The following VSIG10 variants were observed in gnomAD, a reference collection of about 807,000 sequenced individuals.
The protein encoded by VSIG10 is V-set and immunoglobulin domain containing 10, also known as V-set and immunoglobulin domain-containing protein 10.
A neutral mutation model predicts 58.7 loss-of-function variants in VSIG10; 48 were observed. The observed-to-expected ratio is 0.82, with a 90% confidence interval of 0.65 to 1.04. The LOEUF (loss-of-function observed/expected upper bound fraction) is 1.04. Ranked by LOEUF, VSIG10 falls within the 50% of genes least tolerant of loss-of-function variation. The probability of loss-of-function intolerance (pLI) is 0.00; values close to 1 mark genes in which losing one functional copy is unlikely to be tolerated. For missense variants in VSIG10, 628 were observed against 670.0 expected (o/e 0.94, Z 0.69); for synonymous variants, 260 against 267.1 (o/e 0.97, Z 0.26).
Position 118,103,807 on chromosome 12 carries a change from C to T in VSIG10, c.-136G>A. On this transcript the variant is annotated 5_prime_UTR_variant, in exon 1 of 9. Coordinates refer to ENST00000359236, the MANE Select transcript of VSIG10 (RefSeq NM_019086.6). ...GCAGAGTGGCCCCACTTCCTCGGCC[C>T]CCAGGAAGGATGCTTGGCTGAGCCG... The T allele has an allele frequency of 1.2e-6, 1 of 830,414 alleles. No homozygotes were observed. Among genetic ancestry groups the T allele is most frequent in the Non-Finnish European group, 1.7e-6 (1 of 584,882 alleles). The allele number at this position is 830,414 out of a possible 1,614,324, so 51.4% of individuals were successfully genotyped here.
intron 2 of VSIG10, among the ~76,000 whole-genome samples, chr12:118,091,493 A>G (rs1877916262): frequency 6.8e-6 from 1 of 146,450 alleles, no homozygotes; most frequent in Admixed American, 6.8e-5. Flanking sequence ...CTCTGTCTCA[A>G]AAAAAAAAAA....
chr12:118,087,949 G>A (rs577018120), intron 2 of VSIG10, among the ~76,000 whole-genome samples: 10 of 151,438 alleles, frequency 6.6e-5, no homozygotes, highest in South Asian at 2.1e-4. Context: ...AGACCTGTTC[G>A]AAAGACCCAG....
At chr12:118,095,510 C>T (rs187857936) in intron 2 of VSIG10, 23 bp downstream of exon 2, 109 of 1,612,864 alleles carry the variant, frequency 6.8e-5, no homozygotes, top group African/African-American at 5.2e-4. Context: ...TCTCCAGCCC[C>T]GGTCCCTGCC....
In VSIG10 at chr12:118,065,186, G is replaced by A. The variant is rs553663462; in HGVS notation, c.*1453C>T. ...TCCTTAAGAAGCAGGAAGGAAACAA[G>A]TTTTCCTCTTCCCACTTCCAAGACT... On this transcript the variant is annotated 3_prime_UTR_variant, in exon 9 of 9. Coordinates refer to ENST00000359236, the MANE Select transcript of VSIG10 (RefSeq NM_019086.6). 1.3e-5 allele frequency: 2 copies of A among 152,354 alleles called. No individual in the cohort carries two copies. Among genetic ancestry groups the A allele is most frequent in the East Asian group, 3.9e-4 (2 of 5,190 alleles). The allele number at this position is 152,354 out of a possible 1,614,324, so 9.4% of individuals were successfully genotyped here. A position where few individuals can be genotyped will look rare whatever the true frequency, so the allele number is the denominator to read the frequency against.
intron 2 of VSIG10, among the ~76,000 whole-genome samples, chr12:118,091,379 C>T (rs1044769485): frequency 6.6e-6 from 1 of 151,870 alleles, no homozygotes; most frequent in Non-Finnish European, 1.5e-5. Flanking sequence ...GTAGTCCCAG[C>T]TACTCGGGAG....
intron 7 of VSIG10, among the ~76,000 whole-genome samples, chr12:118,070,578 G>GA (rs555859282): frequency 1.4e-4 from 21 of 147,218 alleles, no homozygotes; most frequent in African/African-American, 2.0e-4. Context: ...AAAAGAAAAA[G>GA]AAAAAAAAAC....
intron 3 of VSIG10, among the ~76,000 whole-genome samples, chr12:118,081,413 C>A (rs759912631): frequency 6.6e-6 from 1 of 151,934 alleles, no homozygotes; most frequent in Non-Finnish European, 1.5e-5. Context: ...GCAACCTCTG[C>A]GTCCCAAGTT....
At chr12:118,074,893 T>C (rs2032649202) in intron 4 of VSIG10, among the ~76,000 whole-genome samples, 1 of 152,200 alleles carries the variant, frequency 6.6e-6, no homozygotes, top group South Asian at 2.1e-4. Context: ...TCACACCATC[T>C]GCATGAGCCT....
chr12:118,068,496 C>G lies in VSIG10; in HGVS notation c.1448G>C (p.Gly483Ala), dbSNP rs760242805. 2.5e-6 allele frequency: 4 copies of G among 1,612,888 alleles called. No individual in the cohort carries two copies. In the East Asian group the frequency reaches 6.7e-5, roughly 27 times the overall value. ...EEDAAVGEQE[G>A]AREREELPKE... ...TGGCAACTCCTCTCTCTCACGTGCTCCCTCCTGTTCCCCTACTGCAGCATC... is the reference window on the plus strand; with the variant it reads ...TGGCAACTCCTCTCTCTCACGTGCTGCCTCCTGTTCCCCTACTGCAGCATC... The change falls in exon 8 of 9, where the codon GGA (glycine) becomes GCA (alanine). Residue 483 changes from glycine (G) to alanine (A), a missense_variant. Coordinates refer to ENST00000359236, the MANE Select transcript of VSIG10 (RefSeq NM_019086.6).
intron 6 of VSIG10, 53 bp downstream of exon 6, chr12:118,071,306 C>T (rs1284357485): frequency 3.9e-6 from 6 of 1,547,044 alleles, no homozygotes; most frequent in Admixed American, 1.7e-5. Context: ...TTCCCCATCC[C>T]GCACCTTTTC....
chr12:118,091,104 C>CGACAAGG (rs750173177), intron 2 of VSIG10, among the ~76,000 whole-genome samples: 183 of 152,214 alleles, frequency 1.2e-3, no homozygotes, highest in Non-Finnish European at 2.4e-3. Context: ...CACTGTATTC[C>CGACAAGG]AGCCTGGACG....
At position 118,079,543 on chromosome 12, in the gene VSIG10, A is replaced by G; in HGVS notation, c.728T>C (p.Leu243Pro). The G allele has an allele frequency of 6.2e-7, 1 of 1,614,006 alleles. No homozygotes were observed. Among genetic ancestry groups the G allele is most frequent in the African/African-American group, 1.3e-5 (1 of 75,052 alleles). The change falls in exon 4 of 9, where the codon CTT becomes CCT. Residue 243 changes from leucine to proline, a missense_variant. Coordinates refer to ENST00000359236, the MANE Select transcript of VSIG10 (RefSeq NM_019086.6). ...QMASGSFMLQ[L>P]TCRWDGGYPD... is the part of the protein sequence containing the mutation. ...GTATCCCCCATCCCAGCGACAGGTA[A>G]GCTGCAACATGAACGATCCTGATGC...
chr12:118,071,153 G>A, intron 6 of VSIG10, 86 bp from the exon 7 acceptor site: 1 of 1,473,412 alleles, frequency 6.8e-7, no homozygotes, highest in Non-Finnish European at 9.3e-7. Flanking sequence ...ATTTACTAGA[G>A]GAACAAATAA....
At chr12:118,083,085 C>T (rs1289837475) in intron 2 of VSIG10, among the ~76,000 whole-genome samples, 1 of 134,256 alleles carries the variant, frequency 7.4e-6, no homozygotes, top group Non-Finnish European at 1.6e-5. Context: ...TGCACTCCAG[C>T]CTAAGCAACA....
intron 2 of VSIG10, 112 bp from the exon 3 acceptor site, chr12:118,082,541 T>A (rs1014712214): frequency 1.8e-6 from 2 of 1,086,184 alleles, no homozygotes; most frequent in Non-Finnish European, 2.6e-6. Context: ...GAGTATGGTA[T>A]CTATCTAATA....
chr12:118,077,425 A>C (rs11068807), intron 4 of VSIG10, among the ~76,000 whole-genome samples: 87,139 of 151,862 alleles, frequency 0.57, 25,085 homozygotes, highest in East Asian at 0.64. Flanking sequence ...TTATCATCAT[A>C]TCTGGACCTA....
rs373521776 is a variant in VSIG10, at chr12:118,071,083, A to G, written c.1331-16T>C. ...GTGTTTCCTACTGAAGAGAGAAAGG[A>G]AAAACCATTAATATCCAGTAACATC... On this transcript the variant is annotated splice_polypyrimidine_tract_variant and intron_variant, in intron 6 of 8. Coordinates refer to ENST00000359236, the MANE Select transcript of VSIG10 (RefSeq NM_019086.6). 102 of 1,591,108 alleles carry G rather than the reference A, an allele frequency of 6.4e-5. No individual in the cohort carries two copies. The highest frequency in any genetic ancestry group is 6.0e-4 in the African/African-American group (45 of 74,732).
chr12:118,096,507 A>G (rs562726478), intron 1 of VSIG10, among the ~76,000 whole-genome samples: 40 of 150,324 alleles, frequency 2.7e-4, no homozygotes, highest in African/African-American at 9.0e-4. Context: ...GAACCTGGGA[A>G]GCAGAGGTTG....
At chr12:118,076,349 T>A (rs1335454697) in intron 4 of VSIG10, among the ~76,000 whole-genome samples, 1 of 150,598 alleles carries the variant, frequency 6.6e-6, no homozygotes, top group Non-Finnish European at 1.5e-5. Flanking sequence ...ATGGATATCA[T>A]GAAAATTATG....
Sources: allele counts gnomAD v4.1 joint callset (sites outside exome capture counted in the v4.1 genomes callset), GRCh38; gene constraint gnomAD v4.1.1; transcripts MANE v1.5; gene names NCBI Gene and HGNC (gene_info 2026-07-23, HGNC 2026-07-21).